The following TMEM63C variants were observed in gnomAD, a reference collection of about 807,000 sequenced individuals.
TMEM63C encodes the protein osmosensitive cation channel TMEM63C.
Under a neutral mutation model 99.2 loss-of-function variants are expected in TMEM63C, and 32 were observed. The observed-to-expected ratio is 0.32, with a 90% CI of 0.24 to 0.43. TMEM63C has a LOEUF of 0.43. TMEM63C is among the 20% of genes least tolerant of loss of function. The probability of loss-of-function intolerance (pLI) is 1.00; values close to 1 mark genes in which losing one functional copy is unlikely to be tolerated. For synonymous variants in TMEM63C, 376 were observed against 397.9 expected, an observed-to-expected ratio of 0.94 and a Z score of 0.66; for missense variants, 826 against 1,053.0, an observed-to-expected ratio of 0.78 and a Z score of 2.98.
chr14:77,235,328 A>T (rs1889018207), intron 8 of TMEM63C, among the ~76,000 whole-genome samples: 2 of 145,038 alleles, frequency 1.4e-5, no homozygotes, highest in African/African-American at 5.2e-5. Flanking sequence ...ACTGCAATGG[A>T]TGGGGAGATA....
intron 4 of TMEM63C, 54 bp downstream of exon 4, chr14:77,219,631 C>T (rs1888653822): frequency 4.4e-6 from 7 of 1,581,358 alleles, no homozygotes; most frequent in Non-Finnish European, 6.1e-6. Flanking sequence ...AAACCTGTTG[C>T]CATGGCCAGG....
At chr14:77,251,603 C>T in intron 21 of TMEM63C, 186 bp from the exon 22 acceptor site, 1 of 598,018 alleles carries the variant, frequency 1.7e-6, no homozygotes, top group South Asian at 2.0e-5. Context: ...TCCACAGATG[C>T]CAAATTCTAA....
intron 16 of TMEM63C, among the ~76,000 whole-genome samples, chr14:77,244,721 C>G (rs996406336): frequency 5.3e-5 from 8 of 152,240 alleles, no homozygotes; most frequent in Non-Finnish European, 1.2e-4. Flanking sequence ...CCTCCTTGAG[C>G]TTCTCCCTCA....
At chr14:77,237,172 A>T (rs1003229205) in intron 9 of TMEM63C, among the ~76,000 whole-genome samples, 4 of 151,728 alleles carry the variant, frequency 2.6e-5, no homozygotes, top group Admixed American at 2.0e-4. Flanking sequence ...ACTTCCCACC[A>T]TCTGAAAACT....
intron 16 of TMEM63C, among the ~76,000 whole-genome samples, chr14:77,245,397 G>A (rs385766): frequency 0.95 from 144,495 of 152,298 alleles, 68,983 homozygotes; most frequent in East Asian, 1. Context: ...TCTACTCTGC[G>A]TATGTCTGTA....
At chr14:77,243,862 G>A (rs564749425) in intron 15 of TMEM63C, among the ~76,000 whole-genome samples, 24 of 151,974 alleles carry the variant, frequency 1.6e-4, no homozygotes, top group African/African-American at 5.3e-4. Flanking sequence ...CACACATACA[G>A]TCAACATGTG....
intron 1 of TMEM63C, among the ~76,000 whole-genome samples, chr14:77,202,862 C>T (rs1294037328): frequency 3.8e-5 from 3 of 79,264 alleles, no homozygotes; most frequent in African/African-American, 9.3e-5. Context: ...CACACACACA[C>T]ACACGCACAC....
intron 6 of TMEM63C, 123 bp from the exon 7 acceptor site, chr14:77,231,465 A>T: frequency 1.1e-6 from 1 of 929,022 alleles, no homozygotes; most frequent in Non-Finnish European, 1.5e-6. Flanking sequence ...ATATAGAGAT[A>T]GTAAAAAAAA....
chr14:77,233,587 C>A, intron 8 of TMEM63C, 87 bp downstream of exon 8: 2 of 1,413,578 alleles, frequency 1.4e-6, no homozygotes, highest in Non-Finnish European at 2.0e-6. Flanking sequence ...GCAACATGGG[C>A]AGCGTTTTGC....
chr14:77,206,231 G>A (rs973885464), intron 1 of TMEM63C, among the ~76,000 whole-genome samples: 4 of 151,030 alleles, frequency 2.6e-5, no homozygotes, highest in Admixed American at 2.0e-4. Context: ...AGGGGGTGGG[G>A]AGGTGGGAGG....
intron 1 of TMEM63C, among the ~76,000 whole-genome samples, chr14:77,191,927 T>C (rs138830657): frequency 5.3e-4 from 80 of 152,348 alleles, no homozygotes; most frequent in African/African-American, 1.8e-3. Flanking sequence ...ATTATTATTG[T>C]GGTGTGGTCT....
rs772480639 is a variant in TMEM63C at position 77,219,526 on chromosome 14, G to A, written c.179G>A (p.Arg60Gln). 9.9e-6 allele frequency: 16 copies of A among 1,613,966 alleles called. No individual in the cohort carries two copies. The highest frequency in any genetic ancestry group is 6.7e-5 in the Admixed American group (4 of 60,026). ...GTCCTTGTGGTTTACTCCTTCCTCCGGAAAGCTGCGTGGGACTATGGGCGC... is the reference window on the plus strand; with the variant it reads ...GTCCTTGTGGTTTACTCCTTCCTCCAGAAAGCTGCGTGGGACTATGGGCGC... ...VLVLVVYSFLRKAAWDYGRLA... is the reference protein window; with the variant it reads ...VLVLVVYSFLQKAAWDYGRLA... Residue 60 changes from arginine to glutamine, a missense_variant, in exon 4 of 24, where the codon CGG becomes CAG. Physicochemically the swap from Arg to Gln is conservative, Grantham distance 43. Transcript: ENST00000298351.
rs1450172828 is a variant in TMEM63C, at chr14:77,257,892, C to T, written c.*1166C>T. On this transcript the variant is annotated 3_prime_UTR_variant, in exon 24 of 24. Coordinates refer to ENST00000298351, the MANE Select transcript of TMEM63C (RefSeq NM_020431.4). ...CAGATGCTTCAACCGTGATGTCGCC[C>T]CAGGCCTGCCAGGGGTGTGGTGGAG... The T allele has an allele frequency of 2.0e-5, 3 of 152,280 alleles. No individual in the cohort carries two copies. Among genetic ancestry groups the T allele is most frequent in the South Asian group, 2.1e-4 (1 of 4,828 alleles). 9.4% of individuals were successfully genotyped at this position (152,280 alleles called of 1,614,324 possible). A position where few individuals can be genotyped will look rare whatever the true frequency, so the allele number is the denominator to read the frequency against.
chr14:77,214,828 C>T (rs185774250), intron 2 of TMEM63C, among the ~76,000 whole-genome samples: 1 of 152,216 alleles, frequency 6.6e-6, no homozygotes, highest in East Asian at 1.9e-4. Flanking sequence ...CAGCACCAAA[C>T]ATCCCACTTT....
intron 23 of TMEM63C, among the ~76,000 whole-genome samples, chr14:77,253,604 G>C (rs1338738098): frequency 6.6e-6 from 1 of 152,232 alleles, no homozygotes; most frequent in Non-Finnish European, 1.5e-5. Flanking sequence ...CGTGTACTCG[G>C]CATTGTCTGG....
At chr14:77,209,954 G>C (rs1888466807) in intron 1 of TMEM63C, among the ~76,000 whole-genome samples, 2 of 152,108 alleles carry the variant, frequency 1.3e-5, no homozygotes, top group South Asian at 4.1e-4. Context: ...AGCTGGGGGT[G>C]GGGGCAGAGA....
At chr14:77,245,219 T>C (rs559302209) in intron 16 of TMEM63C, among the ~76,000 whole-genome samples, 140 of 152,274 alleles carry the variant, frequency 9.2e-4, no homozygotes, top group African/African-American at 3.3e-3. Context: ...CACAGAGACA[T>C]CAACTATATG....
At chr14:77,183,218 C>G (rs577570603) in intron 1 of TMEM63C, among the ~76,000 whole-genome samples, 1 of 152,254 alleles carries the variant, frequency 6.6e-6, no homozygotes, top group South Asian at 2.1e-4. Flanking sequence ...TACCTACATG[C>G]AGGTCTTCTG....
chr14:77,233,373 T>A, intron 7 of TMEM63C, 79 bp from the exon 8 acceptor site: 4 of 1,472,798 alleles, frequency 2.7e-6, no homozygotes, highest in Non-Finnish European at 3.7e-6. Context: ...CCCCACGCAT[T>A]TGTCCAGGAA....
Sources: allele counts gnomAD v4.1 joint callset (sites outside exome capture counted in the v4.1 genomes callset), GRCh38; gene constraint gnomAD v4.1.1; transcripts MANE v1.5; gene names NCBI Gene and HGNC (gene_info 2026-07-23, HGNC 2026-07-21).